The following SPOCK2 variants were observed in gnomAD, a reference collection of about 807,000 sequenced individuals.
SPOCK2 encodes the protein SPARC (osteonectin), cwcv and kazal like domains proteoglycan 2, also known as testican-2.
A neutral mutation model predicts 60.1 loss-of-function variants in SPOCK2; 39 were observed. The ratio of observed to expected loss-of-function variants is 0.65; its 90% CI spans 0.50 to 0.85. SPOCK2 has a LOEUF of 0.85. Among genes scored for constraint, SPOCK2 ranks in the 40% least tolerant of loss-of-function variants. SPOCK2 has a pLI of 0.00. For missense variants in SPOCK2, 523 were observed against 567.4 expected (o/e 0.92, Z 0.80); for synonymous variants, 217 against 231.5 (o/e 0.94, Z 0.57).
chr10:72,088,270 G>A lies in SPOCK2; in HGVS notation c.59C>T (p.Ala20Val). ...VLPLLLLAAA[A>V]LAEGDAKGLK... Reference sequence around the variant, plus strand: ...CCCCTTGGCGTCGCCTTCGGCCAGGGCTGCCGCGGCCAGGAGCAGCAGCGG... The same window carrying A: ...CCCCTTGGCGTCGCCTTCGGCCAGGACTGCCGCGGCCAGGAGCAGCAGCGG... The change falls in exon 1 of 11, where the codon GCC becomes GTC. Residue 20 changes from alanine (A) to valine (V), a missense_variant. Transcript: ENST00000373109. 6.2e-7 allele frequency: 1 copy of A among 1,605,846 alleles called. No individual in the cohort carries two copies. Among genetic ancestry groups the A allele is most frequent in the East Asian group, 2.2e-5 (1 of 44,638 alleles).
chr10:72,074,668 C>T (rs1840691753), intron 1 of SPOCK2, among the ~76,000 whole-genome samples: 1 of 152,214 alleles, frequency 6.6e-6, no homozygotes, highest in South Asian at 2.1e-4. Context: ...GGCTGGCCTT[C>T]CTGCCTCTTC....
chr10:72,062,996 C>A lies in SPOCK2; in HGVS notation c.1129+29G>T. 1.3e-6 allele frequency: 2 copies of A among 1,567,762 alleles called. No individual in the cohort carries two copies. Among genetic ancestry groups the A allele is most frequent in the South Asian group, 2.3e-5 (2 of 85,686 alleles). On this transcript the variant is annotated intron_variant, in intron 10 of 10. Transcript: ENST00000373109. The surrounding 1 kb of genome is among the most constrained non-coding windows in gnomAD (Gnocchi z 4.3). The stretch of plus-strand genomic sequence containing the variant: ...ACAAGGGCCCCCAGGCCTGGGCCCC[C>A]AGCAGGCCCTGAGCTGCCCAGCCCG...
chr10:72,064,523 G>A (rs1840541838), intron 8 of SPOCK2, among the ~76,000 whole-genome samples: 1 of 152,102 alleles, frequency 6.6e-6, no homozygotes, highest in Non-Finnish European at 1.5e-5. Flanking sequence ...AGAAGAGGAG[G>A]TGGGGTGAAC....
intron 3 of SPOCK2, 79 bp from the exon 4 acceptor site, chr10:72,072,337 C>G: frequency 2.1e-6 from 3 of 1,450,196 alleles, no homozygotes. Flanking sequence ...GCTGGGAGGC[C>G]TCTCCCTCCA....
In SPOCK2 at chr10:72,070,306, C is replaced by A; in HGVS notation, c.474+6G>T. 1 of 1,613,954 alleles carries A rather than the reference C, an allele frequency of 6.2e-7. No homozygotes were observed. The highest frequency in any genetic ancestry group is 8.5e-7 in the Non-Finnish European group (1 of 1,179,880). ...CCCCACCCTACCTGGGGCCTGGGCT[C>A]CTCACCACAGAGCTGTAAGTGTGGC... On this transcript the variant is annotated splice_donor_region_variant and intron_variant, in intron 5 of 10. Transcript: ENST00000373109.
chr10:72,082,159 G>A (rs1451368234), intron 1 of SPOCK2, among the ~76,000 whole-genome samples: 1 of 152,228 alleles, frequency 6.6e-6, no homozygotes, highest in Non-Finnish European at 1.5e-5. Flanking sequence ...TGTGCCAAAT[G>A]AGTTATGGCC....
At chr10:72,072,447 G>A (rs1382827761) in intron 3 of SPOCK2, 56 bp downstream of exon 3, 7 of 1,611,086 alleles carry the variant, frequency 4.3e-6, no homozygotes, top group Admixed American at 3.3e-5. Flanking sequence ...CTTGCCCTCT[G>A]GTCTCAAGTC....
chr10:72,088,559 C>T, upstream of SPOCK2: 1 of 496,338 alleles, frequency 2.0e-6, no homozygotes, highest in South Asian at 3.2e-5. Context: ...ATCAGAGAGG[C>T]TGCGCCAGCA....
chr10:72,063,177 G>A lies in SPOCK2; in HGVS notation c.992-15C>T, dbSNP rs185690524. 1,251 of 1,555,110 alleles carry A rather than the reference G, an allele frequency of 8.0e-4. 9 individuals are homozygous for A. In the Middle Eastern group the frequency reaches 0.016, roughly 20 times the overall value. ...GATGAAGATGCCTGAATGAGACAGT[G>A]CCAGGCAGGGTCAGAGCAGGGGCCC... On this transcript the variant is annotated splice_polypyrimidine_tract_variant and intron_variant, in intron 9 of 10. Coordinates refer to ENST00000373109, the MANE Select transcript of SPOCK2 (RefSeq NM_001244950.2).
chr10:72,077,027 C>T (rs1319045358), intron 1 of SPOCK2, among the ~76,000 whole-genome samples: 1 of 152,238 alleles, frequency 6.6e-6, no homozygotes, highest in Admixed American at 6.5e-5. Context: ...AGTCCACTTT[C>T]AGCCTGGCCC....
chr10:72,072,587 A>G lies in SPOCK2; in HGVS notation c.199-39T>C, dbSNP rs1018010898. 3 of 1,613,258 alleles carry G rather than the reference A, an allele frequency of 1.9e-6. No homozygotes were observed. The Admixed American group carries it at 5.0e-5, about 27-fold the overall frequency. On this transcript the variant is annotated intron_variant, in intron 2 of 10. Coordinates refer to ENST00000373109, the MANE Select transcript of SPOCK2 (RefSeq NM_001244950.2). ...AGGGACAAGGGAGAAGGGAAAGGCT[A>G]AGATCCATATCCCAGAGGTTCAACT...
chr10:72,072,894 G>C lies in SPOCK2; in HGVS notation c.198+8C>G, dbSNP rs1840668824. The C allele has an allele frequency of 1.3e-6, 2 of 1,554,396 alleles. No individual in the cohort carries two copies. The highest frequency in any genetic ancestry group is 2.7e-5 in the African/African-American group (2 of 73,218). On this transcript the variant is annotated splice_region_variant and intron_variant, in intron 2 of 10. Coordinates refer to ENST00000373109, the MANE Select transcript of SPOCK2 (RefSeq NM_001244950.2). Reference sequence around the variant, plus strand: ...ACCACACAGAGTGGGGTCCTGGGCAGTACTCACCTCCACTTCCTGGAGATC... The same window carrying C: ...ACCACACAGAGTGGGGTCCTGGGCACTACTCACCTCCACTTCCTGGAGATC...
chr10:72,071,769 C>T (rs148744101), intron 4 of SPOCK2, among the ~76,000 whole-genome samples: 1 of 152,182 alleles, frequency 6.6e-6, no homozygotes, highest in Admixed American at 6.5e-5. Context: ...TGAAGGCAGC[C>T]GCCATGTTGT....
intron 4 of SPOCK2, among the ~76,000 whole-genome samples, 156 bp downstream of exon 4, chr10:72,071,988 A>C (rs1226330194): frequency 6.6e-6 from 1 of 152,252 alleles, no homozygotes; most frequent in South Asian, 2.1e-4. Flanking sequence ...CAACCCTCAG[A>C]AATGATGTCA....
intron 1 of SPOCK2, among the ~76,000 whole-genome samples, chr10:72,085,800 T>C (rs371843452): frequency 6.6e-6 from 1 of 152,196 alleles, no homozygotes; most frequent in African/African-American, 2.4e-5. Context: ...AATGGAAATA[T>C]AAAGCCCGTT....
At chr10:72,064,121 A>T in intron 9 of SPOCK2, 57 bp downstream of exon 9, 2 of 1,588,110 alleles carry the variant, frequency 1.3e-6, no homozygotes. Flanking sequence ...TGGGTCTCAG[A>T]CAAACCCAGG....
At chr10:72,081,765 C>T (rs1840786868) in intron 1 of SPOCK2, among the ~76,000 whole-genome samples, 2 of 152,222 alleles carry the variant, frequency 1.3e-5, no homozygotes, top group African/African-American at 4.8e-5. Context: ...TTTGTCCCAA[C>T]CTTTTGGGGT....
At chr10:72,088,668 T>G (rs1589128458), upstream of SPOCK2, 1 of 205,150 alleles carries the variant, frequency 4.9e-6, no homozygotes, top group African/African-American at 2.4e-5. Flanking sequence ...AGCGAAGCGC[T>G]CCCTCGATGA....
In SPOCK2 at chr10:72,066,998, A is replaced by G. The variant is rs1291754865; in HGVS notation, c.832T>C (p.Tyr278His). Residue 278 changes from tyrosine to histidine, a missense_variant, in exon 8 of 11, where the codon TAC (tyrosine) becomes CAC (histidine). Tyr to His is a moderately conservative substitution (Grantham distance 83). Coordinates refer to ENST00000373109, the MANE Select transcript of SPOCK2 (RefSeq NM_001244950.2). ...AAGAAGGGACGGATGCAGACCTCGT[A>G]CTTGTCCAGGTTGATGGCGGCCAGC... ...TELAAINLDK[Y>H]EVCIRPFFNS... 2 of 1,614,214 alleles carry G rather than the reference A, an allele frequency of 1.2e-6. No individual in the cohort carries two copies. Among genetic ancestry groups the G allele is most frequent in the Non-Finnish European group, 8.5e-7 (1 of 1,180,044 alleles).
Sources: gnomAD v4.1 joint callset for allele counts (sites outside exome capture counted in the v4.1 genomes callset) on GRCh38, gnomAD v4.1.1 for gene constraint, Gnocchi (gnomAD v3.1) non-coding constraint, MANE v1.5 for transcripts, NCBI Gene and HGNC (gene_info 2026-07-23, HGNC 2026-07-21) for gene names.